FAM135B: variants seen among roughly 807,000 people sequenced by gnomAD.
FAM135B encodes the protein family with sequence similarity 135 member B, also known as protein FAM135B.
In FAM135B, 43 loss-of-function variants were observed where a neutral mutation model predicts 127.7. That is an observed-to-expected ratio of 0.34 (90% confidence interval 0.26 to 0.43). The LOEUF (loss-of-function observed/expected upper bound fraction) is 0.43. Ranked by LOEUF, FAM135B falls within the 20% of genes least tolerant of loss-of-function variation. The probability of loss-of-function intolerance (pLI) is 1.00; values close to 1 mark genes in which losing one functional copy is unlikely to be tolerated. For synonymous variants in FAM135B, 670 were observed against 665.1 expected (o/e 1.01, Z -0.11); for missense variants, 1,558 against 1,725.6 (o/e 0.90, Z 1.72).
chr8:138,199,415 C>G (rs1397856085), intron 7 of FAM135B, among the ~76,000 whole-genome samples: 1 of 152,136 alleles, frequency 6.6e-6, no homozygotes, highest in African/African-American at 2.4e-5. Context: ...AGCTGTAAAG[C>G]AGGATGGGTG....
chr8:138,480,439 C>G (rs934331768), intron 1 of FAM135B, among the ~76,000 whole-genome samples: 3 of 152,142 alleles, frequency 2.0e-5, no homozygotes, highest in Non-Finnish European at 4.4e-5. Flanking sequence ...ATTATATAAA[C>G]ATTTATTGTA....
intron 2 of FAM135B, among the ~76,000 whole-genome samples, chr8:138,334,431 T>A (rs1307436744): frequency 6.6e-6 from 1 of 152,154 alleles, no homozygotes; most frequent in African/African-American, 2.4e-5. Flanking sequence ...CATGTGCAGG[T>A]TTGTTACACA....
intron 3 of FAM135B, among the ~76,000 whole-genome samples, chr8:138,298,933 G>A (rs1400955807): frequency 2.0e-5 from 3 of 151,910 alleles, no homozygotes; most frequent in Admixed American, 6.6e-5. Flanking sequence ...CAAAAACGGT[G>A]CCTGTAATCC....
chr8:138,387,172 A>G (rs1228949295), intron 1 of FAM135B, among the ~76,000 whole-genome samples: 1 of 152,216 alleles, frequency 6.6e-6, no homozygotes, highest in Non-Finnish European at 1.5e-5. Flanking sequence ...GGCAATTAAC[A>G]TTATAGTTGC....
chr8:138,477,269 C>T (rs1204653878), intron 1 of FAM135B: 1 of 152,234 alleles, frequency 6.6e-6, no homozygotes, highest in Non-Finnish European at 1.5e-5. Context: ...CATTTGCCAG[C>T]CAGGATCATG....
intron 1 of FAM135B, among the ~76,000 whole-genome samples, chr8:138,423,071 C>T (rs1282410527): frequency 3.3e-5 from 5 of 152,060 alleles, no homozygotes; most frequent in Non-Finnish European, 7.4e-5. Flanking sequence ...ACACTGAGTA[C>T]ACATGTACAA....
At chr8:138,270,363 T>G (rs1371367762) in intron 3 of FAM135B, among the ~76,000 whole-genome samples, 2 of 152,090 alleles carry the variant, frequency 1.3e-5, no homozygotes, top group Non-Finnish European at 2.9e-5. Flanking sequence ...GAAGCTATCT[T>G]GAGAAAAGCT....
chr8:138,351,316 A>G (rs895527859), intron 2 of FAM135B, among the ~76,000 whole-genome samples: 11 of 152,172 alleles, frequency 7.2e-5, no homozygotes, highest in African/African-American at 2.7e-4. Context: ...CCCTGATCCA[A>G]TCTGACTGGT....
chr8:138,195,954 T>C (rs985567803), intron 8 of FAM135B, among the ~76,000 whole-genome samples: 1 of 152,202 alleles, frequency 6.6e-6, no homozygotes, highest in African/African-American at 2.4e-5. Flanking sequence ...CCTAGCTGAG[T>C]GGAAACAATC....
At position 138,156,576 on chromosome 8, in the gene FAM135B, A is replaced by G. The variant is rs764098875; in HGVS notation, c.1259-3360T>C. On this transcript the variant is annotated intron_variant, in intron 12 of 19. Coordinates refer to ENST00000395297, the MANE Select transcript of FAM135B (RefSeq NM_015912.4). Reference sequence around the variant, plus strand: ...AAGACTAATAAAGAAGAAAAGAGAGAAGAATCAAATAGACACAATAAAAAA... The same window carrying G: ...AAGACTAATAAAGAAGAAAAGAGAGGAGAATCAAATAGACACAATAAAAAA... 1.4e-3 allele frequency among the ~76,000 whole-genome samples: 211 copies of G among 152,312 alleles called. 1 individual carries two copies. The highest frequency in any genetic ancestry group is 0.014 in the Middle Eastern group (4 of 294).
At chr8:138,229,506 C>G (rs1464591128) in intron 7 of FAM135B, among the ~76,000 whole-genome samples, 1 of 152,140 alleles carries the variant, frequency 6.6e-6, no homozygotes, top group African/African-American at 2.4e-5. Context: ...TAACAAACGA[C>G]CCTAAACTCT....
intron 1 of FAM135B, among the ~76,000 whole-genome samples, chr8:138,488,209 A>T (rs1046762209): frequency 2.0e-5 from 3 of 152,110 alleles, no homozygotes; most frequent in African/African-American, 7.2e-5. Context: ...GTATTATTTT[A>T]TTATTGATGA....
intron 2 of FAM135B, among the ~76,000 whole-genome samples, chr8:138,315,930 G>A (rs955850485): frequency 1.3e-5 from 2 of 152,122 alleles, no homozygotes; most frequent in Admixed American, 6.6e-5. Flanking sequence ...GTATAAATAA[G>A]TTTAGAGATC....
chr8:138,217,208 TA>T (rs1563781332), intron 7 of FAM135B, among the ~76,000 whole-genome samples: 1 of 152,186 alleles, frequency 6.6e-6, no homozygotes, highest in African/African-American at 2.4e-5. Flanking sequence ...TATATTTATG[TA>T]AATAGTAACT....
chr8:138,153,574 G>C (rs1818393991), intron 12 of FAM135B, among the ~76,000 whole-genome samples: 1 of 152,136 alleles, frequency 6.6e-6, no homozygotes, highest in South Asian at 2.1e-4. Flanking sequence ...TGGAAAATCA[G>C]GACACTCCCA....
At chr8:138,136,185 G>A (rs1194307233) in intron 19 of FAM135B, among the ~76,000 whole-genome samples, 1 of 151,382 alleles carries the variant, frequency 6.6e-6, no homozygotes, top group African/African-American at 2.4e-5. Flanking sequence ...ATTCCTGTTG[G>A]ATTTTCTAGA....
intron 3 of FAM135B, among the ~76,000 whole-genome samples, chr8:138,290,903 G>C (rs1461509490): frequency 6.6e-6 from 1 of 152,132 alleles, no homozygotes; most frequent in Non-Finnish European, 1.5e-5. Flanking sequence ...ATCCAGGCAA[G>C]GGAGCAAACA....
intron 3 of FAM135B, among the ~76,000 whole-genome samples, chr8:138,306,310 C>A (rs1392290681): frequency 1.3e-5 from 2 of 151,928 alleles, no homozygotes; most frequent in African/African-American, 4.8e-5. Flanking sequence ...TGGCACACAC[C>A]TGTAATCCCA....
At chr8:138,348,613 C>T (rs2131102872) in intron 2 of FAM135B, among the ~76,000 whole-genome samples, 1 of 152,350 alleles carries the variant, frequency 6.6e-6, no homozygotes, top group South Asian at 2.1e-4. Context: ...GGTAAGGACA[C>T]TAATGACTGC....
Sources: gnomAD v4.1 joint callset for allele counts (sites outside exome capture counted in the v4.1 genomes callset) on GRCh38, gnomAD v4.1.1 for gene constraint, MANE v1.5 for transcripts, NCBI Gene and HGNC (gene_info 2026-07-23, HGNC 2026-07-21) for gene names.